Variants in GRIP1 observed in about 807,000 individuals in gnomAD.
The protein encoded by GRIP1 is glutamate receptor-interacting protein 1.
A neutral mutation model predicts 129.9 loss-of-function variants in GRIP1; 45 were observed. That is an observed-to-expected ratio of 0.35 (90% CI 0.27 to 0.44). The LOEUF (loss-of-function observed/expected upper bound fraction) is 0.44. GRIP1 is among the 20% of genes least tolerant of loss of function. The pLI is 1.00. For synonymous variants in GRIP1, 530 were observed against 520.8 expected, an observed-to-expected ratio of 1.02 and a Z score of -0.24; for missense variants, 1,196 against 1,396.8, an observed-to-expected ratio of 0.86 and a Z score of 2.29.
intron 1 of GRIP1, among the ~76,000 whole-genome samples, chr12:66,598,528 T>C (rs1260490219): frequency 6.6e-6 from 1 of 152,118 alleles, no homozygotes; most frequent in African/African-American, 2.4e-5. Context: ...CAAAACAAAA[T>C]ACAAAATGTA....
At chr12:66,553,781 T>C (rs543342293) in intron 2 of GRIP1, among the ~76,000 whole-genome samples, 425 of 151,878 alleles carry the variant, frequency 2.8e-3, no homozygotes, top group Non-Finnish European at 4.9e-3. Context: ...GGACTTTGCA[T>C]TGGAACTTGG....
At chr12:66,980,481 C>G (rs2042227260) in intron 1 of GRIP1, among the ~76,000 whole-genome samples, 1 of 152,110 alleles carries the variant, frequency 6.6e-6, no homozygotes, top group African/African-American at 2.4e-5. Context: ...CGTGGTGGCA[C>G]ACGTCTGTAG....
chr12:66,363,341 T>G (rs1326482578), intron 23 of GRIP1, among the ~76,000 whole-genome samples: 1 of 149,326 alleles, frequency 6.7e-6, no homozygotes, highest in Admixed American at 6.7e-5. Context: ...CCTCTCAGGC[T>G]CAAGTGATCT....
chr12:66,379,937 G>C (rs1264510934), intron 19 of GRIP1, among the ~76,000 whole-genome samples: 11 of 152,022 alleles, frequency 7.2e-5, no homozygotes, highest in African/African-American at 2.7e-4. Flanking sequence ...ATGGAGTCTT[G>C]CTCTGTCATC....
rs907294677 is a variant in GRIP1, at chr12:66,919,962, G to A, written c.58+149088C>T. 2.0e-5 allele frequency among the ~76,000 whole-genome samples: 3 copies of A among 152,062 alleles called. No individual in the cohort carries two copies. In the South Asian group the frequency reaches 6.2e-4, roughly 32 times the overall value. On this transcript the variant is annotated intron_variant, in intron 1 of 1. Transcript: ENST00000643019. ...TATATAATCAATTTATATAAGAAGGGCTAAGAAGGGCAGATTAACTAGAAA... is the reference window on the plus strand; with the variant it reads ...TATATAATCAATTTATATAAGAAGGACTAAGAAGGGCAGATTAACTAGAAA...
intron 1 of GRIP1, among the ~76,000 whole-genome samples, chr12:66,732,162 T>C (rs1360950618): frequency 1.3e-5 from 2 of 152,156 alleles, no homozygotes; most frequent in African/African-American, 2.4e-5. Flanking sequence ...CCACCTTCTC[T>C]ACCTCTTCTG....
intron 1 of GRIP1, among the ~76,000 whole-genome samples, chr12:66,773,449 A>C (rs2037882985): frequency 6.6e-6 from 1 of 152,186 alleles, no homozygotes; most frequent in African/African-American, 2.4e-5. Context: ...TAGCAAACTA[A>C]CACAGGAACA....
chr12:66,732,407 G>T (rs985835628), intron 1 of GRIP1, among the ~76,000 whole-genome samples: 3 of 152,026 alleles, frequency 2.0e-5, no homozygotes, highest in African/African-American at 7.2e-5. Flanking sequence ...TACAAAATTG[G>T]CTAAGCATGT....
intron 1 of GRIP1, among the ~76,000 whole-genome samples, chr12:67,048,830 A>G (rs1458162316): frequency 2.0e-5 from 3 of 152,070 alleles, no homozygotes; most frequent in Admixed American, 6.6e-5. Flanking sequence ...ATCCATGTAA[A>G]ACGTGACTTG....
chr12:66,818,566 G>A (rs905083594), intron 1 of GRIP1, among the ~76,000 whole-genome samples: 1 of 152,134 alleles, frequency 6.6e-6, no homozygotes, highest in Non-Finnish European at 1.5e-5. Flanking sequence ...ATTTCATTAA[G>A]TGTTTTTTTG....
intron 16 of GRIP1, among the ~76,000 whole-genome samples, chr12:66,395,385 TAC>T (rs1181188463): frequency 6.6e-6 from 1 of 152,242 alleles, no homozygotes; most frequent in East Asian, 1.9e-4. Context: ...AGTCAGCTTT[TAC>T]AGTCAGACTA....
intron 1 of GRIP1, among the ~76,000 whole-genome samples, chr12:66,740,447 C>T (rs2036754189): frequency 6.6e-6 from 1 of 152,144 alleles, no homozygotes; most frequent in Non-Finnish European, 1.5e-5. Context: ...CGGTTTTTCT[C>T]CTAGAATCTG....
chr12:66,359,793 C>A (rs2054660653), intron 23 of GRIP1, among the ~76,000 whole-genome samples: 1 of 152,010 alleles, frequency 6.6e-6, no homozygotes, highest in Admixed American at 6.6e-5. Context: ...GTCTAGAAAT[C>A]AATAATTAAC....
At chr12:66,509,488 C>T (rs1221657536) in intron 7 of GRIP1, among the ~76,000 whole-genome samples, 1 of 152,038 alleles carries the variant, frequency 6.6e-6, no homozygotes, top group African/African-American at 2.4e-5. Flanking sequence ...TATTTTACTA[C>T]AGTCATTGCT....
At chr12:66,830,847 TTC>T (rs1491064048) in intron 1 of GRIP1, among the ~76,000 whole-genome samples, 17 of 151,278 alleles carry the variant, frequency 1.1e-4, no homozygotes, top group Non-Finnish European at 2.5e-4. Context: ...TTTTTTTTTT[TTC>T]TGTTTTGATT....
At chr12:66,495,864 T>C (rs962972573) in intron 7 of GRIP1, among the ~76,000 whole-genome samples, 14 of 152,200 alleles carry the variant, frequency 9.2e-5, no homozygotes, top group African/African-American at 3.1e-4. Flanking sequence ...ACAAAGCCGT[T>C]CCCGGCAGCG....
chr12:66,953,878 C>T (rs1055779223), intron 1 of GRIP1, among the ~76,000 whole-genome samples: 6 of 152,052 alleles, frequency 3.9e-5, no homozygotes, highest in South Asian at 2.1e-4. Context: ...AATAAGGATA[C>T]GGTCTTTCTC....
At chr12:66,805,977 T>TC (rs1566032203), upstream of GRIP1, among the ~76,000 whole-genome samples, 1 of 133,356 alleles carries the variant, frequency 7.5e-6, no homozygotes, top group African/African-American at 2.6e-5. Context: ...CTTTTTTTTT[T>TC]CTTTTTTTTT....
intron 9 of GRIP1, among the ~76,000 whole-genome samples, chr12:66,459,918 T>C (rs952267716): frequency 1.9e-4 from 29 of 152,232 alleles, no homozygotes; most frequent in African/African-American, 5.8e-4. Context: ...AGAGCACTTA[T>C]AGACATTCTC....
Sources: allele counts gnomAD v4.1 joint callset (sites outside exome capture counted in the v4.1 genomes callset), GRCh38; gene constraint gnomAD v4.1.1; transcripts MANE v1.5; gene names NCBI Gene and HGNC (gene_info 2026-07-23, HGNC 2026-07-21).